The following CACFD1 variants were observed in gnomAD, a reference collection of about 807,000 sequenced individuals.
CACFD1 encodes the protein calcium channel flower domain containing 1.
Under a neutral mutation model 21.3 loss-of-function variants are expected in CACFD1, and 26 were observed. The ratio of observed to expected loss-of-function variants is 1.22; its 90% confidence interval spans 0.89 to 1.69. CACFD1 has a LOEUF of 1.69. CACFD1 is among the 40% of genes most tolerant of loss of function. CACFD1 has a pLI of 0.00. For synonymous variants in CACFD1, 121 were observed against 106.6 expected, an observed-to-expected ratio of 1.13 and a Z score of -0.83; for missense variants, 265 against 236.2, an observed-to-expected ratio of 1.12 and a Z score of -0.80.
At chr9:133,463,324 C>A (rs1432159839) in intron 1 of CACFD1, 159 bp from the exon 2 acceptor site, 2 of 898,106 alleles carry the variant, frequency 2.2e-6, no homozygotes, top group Non-Finnish European at 2.7e-6. Flanking sequence ...GTCTCCTCAC[C>A]TGTCTCAGAC....
Sources: allele counts gnomAD v4.1 joint callset, GRCh38; gene constraint gnomAD v4.1.1; transcripts MANE v1.5; gene names NCBI Gene and HGNC (gene_info 2026-07-23, HGNC 2026-07-21).